KLHL1: variants seen among roughly 807,000 people sequenced by gnomAD.
The protein encoded by KLHL1 is kelch like family member 1.
Under a neutral mutation model 77.7 loss-of-function variants are expected in KLHL1, and 47 were observed. The ratio of observed to expected loss-of-function variants is 0.60; its 90% CI spans 0.48 to 0.77. The LOEUF is 0.77. Among genes scored for constraint, KLHL1 ranks in the 30% least tolerant of loss-of-function variants. The pLI, the probability that KLHL1 is intolerant of heterozygous loss-of-function variation, is 0.00. For synonymous variants in KLHL1, 360 were observed against 325.2 expected (o/e 1.11, Z -1.15); for missense variants, 925 against 910.8 (o/e 1.02, Z -0.20).
intron 9 of KLHL1, among the ~76,000 whole-genome samples, chr13:69,714,180 A>T (rs148977362): frequency 1.3e-5 from 2 of 152,272 alleles, no homozygotes; most frequent in East Asian, 1.9e-4. Flanking sequence ...TGCAAAAAAA[A>T]TTTTAAAGTT....
chr13:69,853,059 T>C (rs1476748304), intron 5 of KLHL1, among the ~76,000 whole-genome samples: 1 of 151,982 alleles, frequency 6.6e-6, no homozygotes, highest in Non-Finnish European at 1.5e-5. Flanking sequence ...TATATTAGGC[T>C]GTGCTGAGAA....
chr13:70,076,168 A>G (rs1887263175), intron 1 of KLHL1, among the ~76,000 whole-genome samples: 1 of 151,960 alleles, frequency 6.6e-6, no homozygotes, highest in Non-Finnish European at 1.5e-5. Context: ...AAATACACAG[A>G]AGATTCAATG....
intron 7 of KLHL1, among the ~76,000 whole-genome samples, chr13:69,757,205 T>C (rs767731491): frequency 9.2e-5 from 14 of 152,092 alleles, no homozygotes; most frequent in Non-Finnish European, 1.8e-4. Context: ...CACAAAACTT[T>C]AGGATTTTAC....
At chr13:69,785,122 G>A (rs1464002374) in intron 7 of KLHL1, among the ~76,000 whole-genome samples, 1 of 151,798 alleles carries the variant, frequency 6.6e-6, no homozygotes, top group Non-Finnish European at 1.5e-5. Context: ...TCGATCTCCT[G>A]ACCTCGTGAT....
intron 7 of KLHL1, among the ~76,000 whole-genome samples, chr13:69,750,569 A>C (rs9542072): frequency 6.6e-6 from 1 of 151,838 alleles, no homozygotes; most frequent in Non-Finnish European, 1.5e-5. Context: ...CCCCCAAAAT[A>C]TATAAGCATA....
chr13:70,087,418 G>A (rs1887570053), intron 1 of KLHL1, among the ~76,000 whole-genome samples: 2 of 151,912 alleles, frequency 1.3e-5, no homozygotes, highest in African/African-American at 2.4e-5. Context: ...TAGTAAAAAC[G>A]GCATAGTCAT....
At chr13:69,841,832 A>T in intron 5 of KLHL1, among the ~76,000 whole-genome samples, 2 of 151,780 alleles carry the variant, frequency 1.3e-5, no homozygotes, top group Non-Finnish European at 1.5e-5. Context: ...TATTTCTCTA[A>T]AGATAGATAT....
intron 7 of KLHL1, among the ~76,000 whole-genome samples, chr13:69,757,785 G>A (rs572276056): frequency 2.0e-4 from 28 of 138,380 alleles, no homozygotes; most frequent in Admixed American, 6.4e-4. Flanking sequence ...GTGAAATCTC[G>A]TCCCTACTAA....
intron 7 of KLHL1, among the ~76,000 whole-genome samples, chr13:69,781,663 T>G (rs77079285): frequency 0.011 from 1,603 of 152,290 alleles, 27 homozygotes; most frequent in African/African-American, 0.037. Context: ...TTTTTACCCA[T>G]GATATTCTGA....
intron 1 of KLHL1, among the ~76,000 whole-genome samples, chr13:70,078,954 G>T (rs777758040): frequency 6.6e-6 from 1 of 152,110 alleles, no homozygotes; most frequent in Non-Finnish European, 1.5e-5. Context: ...TTTCTCATTA[G>T]CATCAAACTC....
At chr13:69,759,200 G>A (rs887539512) in intron 7 of KLHL1, among the ~76,000 whole-genome samples, 3 of 152,040 alleles carry the variant, frequency 2.0e-5, no homozygotes, top group African/African-American at 7.2e-5. Context: ...GCCTCACCAT[G>A]GCCACCTGTC....
At chr13:69,796,612 C>T in intron 7 of KLHL1, 126 bp downstream of exon 7, 2 of 709,214 alleles carry the variant, frequency 2.8e-6, no homozygotes, top group Non-Finnish European at 4.5e-6. Flanking sequence ...GTTAATTACC[C>T]AGGTTCAGGT....
rs369294059 is a variant in KLHL1 at position 70,083,561 on chromosome 13, G to A, written c.497+23642C>T. On this transcript the variant is annotated intron_variant, in intron 1 of 10. Coordinates refer to ENST00000377844, the MANE Select transcript of KLHL1 (RefSeq NM_020866.3). ...TTTGTAGATTAACTCTGTGCAAATC[G>A]TAATATTGTGAAGATAACTACAAAA... 7.2e-5 allele frequency among the ~76,000 whole-genome samples: 11 copies of A among 152,226 alleles called. No homozygotes were observed. In the East Asian group the frequency reaches 7.7e-4, roughly 11 times the overall value.
At chr13:70,025,658 T>C (rs1439085156) in intron 1 of KLHL1, among the ~76,000 whole-genome samples, 1 of 151,474 alleles carries the variant, frequency 6.6e-6, no homozygotes, top group Admixed American at 6.6e-5. Flanking sequence ...TTTGTAAATA[T>C]GTGGCTTTCA....
rs1209212518 is a variant in KLHL1, at chr13:69,961,177, A to T, written c.817+131T>A. 6.9e-6 allele frequency: 5 copies of T among 728,640 alleles called. No individual in the cohort carries two copies. The African/African-American group carries it at 7.1e-5, about 10-fold the overall frequency. 45.1% of individuals were successfully genotyped at this position (728,640 alleles called of 1,614,324 possible). A position where few individuals can be genotyped will look rare whatever the true frequency, so the allele number is the denominator to read the frequency against. On this transcript the variant is annotated intron_variant, in intron 3 of 10. Transcript: ENST00000377844. ...GTGACAACAAAAAGTCTGATTTTTG[A>T]TCTACTAGTTTTCAACTGAAAAGAT... is the stretch of plus-strand genomic sequence containing the variant.
chr13:69,810,089 G>C (rs1296766052), intron 6 of KLHL1, among the ~76,000 whole-genome samples: 1 of 152,102 alleles, frequency 6.6e-6, no homozygotes, highest in Non-Finnish European at 1.5e-5. Context: ...CAAAGTAATA[G>C]TGGCAGACTG....
rs556687800 is a variant in KLHL1 at position 69,737,919 on chromosome 13, C to T, written c.1802+2475G>A. On this transcript the variant is annotated intron_variant, in intron 8 of 10. Transcript: ENST00000377844. ...CTGCTTATTTAAGTGGGTCCTTGAT[C>T]CTGCTCCTCCTGACTGGGTGAGACC... 5.3e-5 allele frequency among the ~76,000 whole-genome samples: 8 copies of T among 152,256 alleles called. No homozygotes were observed. In the East Asian group the frequency reaches 1.6e-3, roughly 30 times the overall value.
At chr13:70,047,871 G>A (rs1051252313) in intron 1 of KLHL1, among the ~76,000 whole-genome samples, 1 of 152,146 alleles carries the variant, frequency 6.6e-6, no homozygotes, top group South Asian at 2.1e-4. Flanking sequence ...ATATAAAGGG[G>A]GAAGTGCAGT....
intron 7 of KLHL1, among the ~76,000 whole-genome samples, chr13:69,749,816 T>C (rs964569917): frequency 4.6e-5 from 7 of 151,940 alleles, no homozygotes; most frequent in Non-Finnish European, 1.0e-4. Flanking sequence ...AATTAATTTG[T>C]TCTGAAAAAG....
Sources: allele counts gnomAD v4.1 joint callset (sites outside exome capture counted in the v4.1 genomes callset), GRCh38; gene constraint gnomAD v4.1.1; transcripts MANE v1.5; gene names NCBI Gene and HGNC (gene_info 2026-07-23, HGNC 2026-07-21).